Variants in TES observed in about 807,000 individuals in gnomAD.
TES encodes testin.
Under a neutral mutation model 48.2 loss-of-function variants are expected in TES, and 41 were observed. The observed-to-expected ratio is 0.85, with a 90% CI of 0.66 to 1.10. The LOEUF (loss-of-function observed/expected upper bound fraction) is 1.10, where lower values mean the gene tolerates loss of function less well. Ranked by LOEUF, TES falls within the 50% of genes least tolerant of loss-of-function variation. The probability of loss-of-function intolerance (pLI) is 0.00; values close to 1 mark genes in which losing one functional copy is unlikely to be tolerated. For synonymous variants in TES, 162 were observed against 174.9 expected (o/e 0.93, Z 0.58); for missense variants, 463 against 515.1 (o/e 0.90, Z 0.98).
chr7:116,215,636 C>T (rs1007839354), intron 1 of TES, among the ~76,000 whole-genome samples: 3 of 152,166 alleles, frequency 2.0e-5, no homozygotes, highest in Non-Finnish European at 2.9e-5. Context: ...GTAATGCTGT[C>T]TCCTAACTAT....
chr7:116,242,646 T>A (rs545716770), intron 2 of TES, among the ~76,000 whole-genome samples: 1 of 152,308 alleles, frequency 6.6e-6, no homozygotes, highest in African/African-American at 2.4e-5. Context: ...TAATTAATAA[T>A]GTATTATTTG....
chr7:116,233,704 C>A (rs1001924187), intron 1 of TES, among the ~76,000 whole-genome samples: 20 of 152,256 alleles, frequency 1.3e-4, no homozygotes, highest in African/African-American at 4.6e-4. Context: ...AACAAAATAC[C>A]TTAGACTGGG....
At chr7:116,234,505 A>G in intron 1 of TES, 29 bp from the exon 2 acceptor site, 2 of 1,572,606 alleles carry the variant, frequency 1.3e-6, no homozygotes, top group Non-Finnish European at 1.7e-6. Flanking sequence ...GAATCTAATA[A>G]CAGATTCATG....
chr7:116,251,314 A>G (rs936116337), intron 4 of TES, among the ~76,000 whole-genome samples: 1 of 152,220 alleles, frequency 6.6e-6, no homozygotes, highest in Non-Finnish European at 1.5e-5. Flanking sequence ...CTACATCGAC[A>G]AATTTGTAAT....
intron 1 of TES, among the ~76,000 whole-genome samples, chr7:116,225,336 G>C (rs543912811): frequency 6.6e-6 from 1 of 152,084 alleles, no homozygotes; most frequent in South Asian, 2.1e-4. Context: ...CTCAAGTAGA[G>C]AAATTGTCTT....
At chr7:116,245,601 T>G (rs1475596794) in intron 2 of TES, among the ~76,000 whole-genome samples, 1 of 152,192 alleles carries the variant, frequency 6.6e-6, no homozygotes, top group Admixed American at 6.5e-5. Context: ...TCAACCTGTC[T>G]TCTTAGCCCT....
intron 2 of TES, among the ~76,000 whole-genome samples, chr7:116,235,051 C>G (rs946001288): frequency 2.0e-5 from 3 of 152,178 alleles, no homozygotes; most frequent in African/African-American, 7.2e-5. Flanking sequence ...TCAAGCGATT[C>G]TCTTGCCTTA....
At chr7:116,237,213 A>G (rs1799783328) in intron 2 of TES, among the ~76,000 whole-genome samples, 3 of 152,230 alleles carry the variant, frequency 2.0e-5, no homozygotes, top group South Asian at 4.1e-4. Context: ...CTCCTCCTCC[A>G]GCTTCATGGT....
Position 116,252,341 on chromosome 7 carries a change from C to T in TES, c.942C>T (p.Thr314=). The T allele has an allele frequency of 1.2e-6, 2 of 1,612,918 alleles. No individual in the cohort carries two copies. Among genetic ancestry groups the T allele is most frequent in the Non-Finnish European group, 1.7e-6 (2 of 1,179,124 alleles). ...AGCTGATATTCAGCAATGAGTATAC[C>T]CAGGCAGAAAACCAGAATTGGCACC... The part of the protein sequence containing the change: ...CDELIFSNEY[T]QAENQNWHLK... The change falls in exon 6 of 7, where the codon ACC becomes ACT. Residue 314 remains threonine, a synonymous_variant. Transcript: ENST00000358204.
chr7:116,241,349 A>G (rs972505038), intron 2 of TES, among the ~76,000 whole-genome samples: 23 of 152,370 alleles, frequency 1.5e-4, no homozygotes, highest in African/African-American at 5.3e-4. Context: ...AGATTTCCAC[A>G]ATAGATAGCT....
At chr7:116,234,499 C>G (rs1349841964) in intron 1 of TES, 35 bp from the exon 2 acceptor site, 1 of 1,561,284 alleles carries the variant, frequency 6.4e-7, no homozygotes, top group African/African-American at 1.4e-5. Context: ...TGTAAAGAAT[C>G]TAATAACAGA....
intron 1 of TES, among the ~76,000 whole-genome samples, chr7:116,232,360 T>C (rs1198866980): frequency 6.6e-6 from 1 of 152,210 alleles, no homozygotes; most frequent in Admixed American, 6.5e-5. Context: ...GTGAATTATA[T>C]AAAAGAGAGT....
intron 2 of TES, among the ~76,000 whole-genome samples, chr7:116,244,153 A>C (rs993009354): frequency 1.5e-4 from 23 of 151,890 alleles, no homozygotes; most frequent in African/African-American, 5.6e-4. Context: ...CCCCTCCCAA[A>C]TCTCATGTCC....
chr7:116,223,205 C>T (rs1799578092), intron 1 of TES, among the ~76,000 whole-genome samples: 2 of 152,044 alleles, frequency 1.3e-5, no homozygotes, highest in South Asian at 2.1e-4. Flanking sequence ...GCCTAAATTT[C>T]GCTCCTAATA....
intron 2 of TES, among the ~76,000 whole-genome samples, chr7:116,247,584 A>G (rs1380907791): frequency 6.6e-6 from 1 of 152,050 alleles, no homozygotes; most frequent in East Asian, 1.9e-4. Context: ...GAATTCATTG[A>G]AAAAATCTTG....
chr7:116,254,188 T>G (rs1800059817), intron 6 of TES, among the ~76,000 whole-genome samples: 1 of 152,168 alleles, frequency 6.6e-6, no homozygotes, highest in Non-Finnish European at 1.5e-5. Context: ...CTGTCTGACC[T>G]TTAGTCTCAA....
At chr7:116,216,311 A>C (rs1336669029) in intron 1 of TES, among the ~76,000 whole-genome samples, 1 of 152,162 alleles carries the variant, frequency 6.6e-6, no homozygotes, top group Admixed American at 6.5e-5. Context: ...TCTATAGTGT[A>C]TGGAAAGGTC....
chr7:116,232,647 CCT>C (rs1298039453), intron 1 of TES, among the ~76,000 whole-genome samples: 2 of 152,134 alleles, frequency 1.3e-5, no homozygotes, highest in South Asian at 2.1e-4. Flanking sequence ...GAAAAGTTTC[CCT>C]CTGTCTTTTG....
In TES at chr7:116,252,377, C is replaced by G. The variant is rs1449249206; in HGVS notation, c.978C>G (p.Phe326Leu). The G allele has an allele frequency of 6.2e-7, 1 of 1,614,076 alleles. No individual in the cohort carries two copies. The highest frequency in any genetic ancestry group is 8.5e-7 in the Non-Finnish European group (1 of 1,180,006). ...ACCAGAATTGGCACCTGAAACACTT[C>G]TGCTGCTTTGACTGTGATAGCATTC... is the stretch of plus-strand genomic sequence containing the variant. Reference protein sequence around the residue: ...AENQNWHLKHFCCFDCDSILA... With the variant: ...AENQNWHLKHLCCFDCDSILA... The change falls in exon 6 of 7, where the codon TTC (phenylalanine) becomes TTG (leucine). Residue 326 changes from phenylalanine to leucine, a missense_variant. Phe to Leu is a conservative substitution (Grantham distance 22, BLOSUM62 0). Coordinates refer to ENST00000358204, the MANE Select transcript of TES (RefSeq NM_015641.4).
Sources: gnomAD v4.1 joint callset for allele counts (sites outside exome capture counted in the v4.1 genomes callset) on GRCh38, gnomAD v4.1.1 for gene constraint, MANE v1.5 for transcripts, NCBI Gene and HGNC (gene_info 2026-07-23, HGNC 2026-07-21) for gene names.